The following TEKT3 variants were observed in gnomAD, a reference collection of about 807,000 sequenced individuals.
TEKT3 encodes the protein tektin-3.
Under a neutral mutation model 49.8 loss-of-function variants are expected in TEKT3, and 49 were observed. That is an observed-to-expected ratio of 0.98 (90% CI 0.78 to 1.25). The LOEUF is 1.25. Ranked by LOEUF, TEKT3 falls within the 50% of genes most tolerant of loss-of-function variation. TEKT3 has a pLI of 0.00. For missense variants in TEKT3, 595 were observed against 629.5 expected (o/e 0.95, Z 0.59); for synonymous variants, 225 against 237.2 (o/e 0.95, Z 0.47).
At chr17:15,329,136 A>G (rs895149138) in intron 3 of TEKT3, among the ~76,000 whole-genome samples, 21 of 152,190 alleles carry the variant, frequency 1.4e-4, no homozygotes, top group African/African-American at 4.1e-4. Context: ...CCAGCTCTAA[A>G]TGTCATGCAT....
chr17:15,341,327 A>G (rs889394418), intron 1 of TEKT3, among the ~76,000 whole-genome samples, 191 bp downstream of exon 1: 1 of 152,138 alleles, frequency 6.6e-6, no homozygotes, highest in Non-Finnish European at 1.5e-5. Flanking sequence ...GAGGAAACCA[A>G]CGTCTGGGTG....
Position 15,331,119 on chromosome 17 carries a change from CA to C in TEKT3, c.466del (p.Trp156GlyfsTer12). On this transcript the variant is annotated frameshift_variant, in exon 3 of 9. Coordinates refer to ENST00000395930, the MANE Select transcript of TEKT3 (RefSeq NM_031898.3). LOFTEE classifies it high-confidence loss of function. ...CAACTCATGAATGATTTCAGATTTC[CA>C]AAACCCTATGTCATTGACACGTTCT... is the stretch of plus-strand genomic sequence containing the variant. ...LGERVNDIGFWKSEIIHELDE... is the reference protein window; with the variant it reads ...LGERVNDIGFXKSEIIHELDE... The C allele has an allele frequency of 6.2e-7, 1 of 1,614,148 alleles. No individual in the cohort carries two copies. Among genetic ancestry groups the C allele is most frequent in the Non-Finnish European group, 8.5e-7 (1 of 1,180,018 alleles).
At chr17:15,340,638 G>T (rs1209376366) in intron 1 of TEKT3, 3 of 152,176 alleles carry the variant, frequency 2.0e-5, no homozygotes, top group Non-Finnish European at 4.4e-5. Context: ...AATTCTGTTG[G>T]TTAATAGGGA....
chr17:15,334,958 CTT>C (rs1362109547), intron 2 of TEKT3, among the ~76,000 whole-genome samples: 1 of 152,196 alleles, frequency 6.6e-6, no homozygotes, highest in African/African-American at 2.4e-5. Flanking sequence ...AAAAACCAGA[CTT>C]AGCCTCTTAT....
chr17:15,306,559 A>G (rs1237184568), intron 8 of TEKT3, among the ~76,000 whole-genome samples: 1 of 44,778 alleles, frequency 2.2e-5, no homozygotes, highest in East Asian at 6.3e-4. Context: ...CAGGAATAGG[A>G]AAAAAAAAAA....
intron 2 of TEKT3, among the ~76,000 whole-genome samples, chr17:15,332,163 A>T (rs1911787035): frequency 6.6e-6 from 1 of 152,196 alleles, no homozygotes; most frequent in African/African-American, 2.4e-5. Context: ...ACTGCACTCC[A>T]GCCTGGGCTA....
At chr17:15,321,638 G>A (rs433993) in intron 4 of TEKT3, among the ~76,000 whole-genome samples, 14,445 of 152,192 alleles carry the variant, frequency 0.095, 840 homozygotes, top group East Asian at 0.22. Flanking sequence ...GAAGTGAACC[G>A]TACATTTAGG....
chr17:15,319,193 A>G (rs1911148909), intron 4 of TEKT3, 46 bp from the exon 5 acceptor site: 1 of 1,475,268 alleles, frequency 6.8e-7, no homozygotes, highest in Non-Finnish European at 9.3e-7. Flanking sequence ...ATTATTGAAT[A>G]TAACACTCAA....
intron 8 of TEKT3, among the ~76,000 whole-genome samples, chr17:15,306,574 A>T (rs896870026): frequency 6.6e-6 from 1 of 150,376 alleles, no homozygotes; most frequent in Non-Finnish European, 1.5e-5. Context: ...AAAAAAAAAG[A>T]GTAAAAATCA....
chr17:15,325,572 T>C (rs1911455303), intron 4 of TEKT3, among the ~76,000 whole-genome samples: 3 of 152,160 alleles, frequency 2.0e-5, no homozygotes, highest in East Asian at 1.9e-4. Flanking sequence ...ACCCAGCCAT[T>C]GATATTTTTA....
chr17:15,318,172 G>A lies in TEKT3; in HGVS notation c.734+905C>T, dbSNP rs141835377. Among the ~76,000 whole-genome samples the A allele has an allele frequency of 6.5e-3, 980 of 151,224 alleles. 9 individuals are homozygous for A. Among genetic ancestry groups the A allele is most frequent in the African/African-American group, 0.022 (905 of 41,220 alleles). ...GCCCGGCTAATTTTTTGTATTTTTA[G>A]TAGAGACGGACTTTCATGGTGTTAG... On this transcript the variant is annotated intron_variant, in intron 5 of 8. Transcript: ENST00000395930.
intron 5 of TEKT3, among the ~76,000 whole-genome samples, chr17:15,314,449 C>G (rs1174964305): frequency 6.6e-6 from 1 of 152,202 alleles, no homozygotes; most frequent in African/African-American, 2.4e-5. Context: ...CTACACTTCT[C>G]CTTTCATAGG....
chr17:15,315,780 G>A (rs1910978228), intron 5 of TEKT3, among the ~76,000 whole-genome samples: 1 of 152,152 alleles, frequency 6.6e-6, no homozygotes, highest in Non-Finnish European at 1.5e-5. Context: ...AGACATCTAG[G>A]CTAGAGATAA....
intron 2 of TEKT3, among the ~76,000 whole-genome samples, chr17:15,337,832 C>T (rs1912053246): frequency 6.6e-6 from 1 of 152,088 alleles, no homozygotes; most frequent in East Asian, 1.9e-4. Flanking sequence ...CAGAGTGAGA[C>T]TCCATCTCAA....
chr17:15,322,854 T>C (rs1328747307), intron 4 of TEKT3, among the ~76,000 whole-genome samples: 1 of 152,224 alleles, frequency 6.6e-6, no homozygotes, highest in African/African-American at 2.4e-5. Context: ...TTTTTAATGA[T>C]AGATTCACCA....
chr17:15,308,886 T>C, intron 7 of TEKT3, 68 bp from the exon 8 acceptor site: 1 of 1,570,658 alleles, frequency 6.4e-7, no homozygotes, highest in Non-Finnish European at 8.7e-7. Context: ...CTCCCACCTC[T>C]TGCCTGTCCA....
intron 3 of TEKT3, 28 bp from the exon 4 acceptor site, chr17:15,328,103 C>A: frequency 6.3e-7 from 1 of 1,587,924 alleles, no homozygotes; most frequent in Non-Finnish European, 8.6e-7. Flanking sequence ...ATGGAAAGCA[C>A]TAATAAAAAC....
At chr17:15,338,924 A>G (rs1912116396) in intron 2 of TEKT3, among the ~76,000 whole-genome samples, 1 of 152,090 alleles carries the variant, frequency 6.6e-6, no homozygotes, top group Non-Finnish European at 1.5e-5. Context: ...AATGACTGAA[A>G]ATAGCTATGG....
In TEKT3 at chr17:15,314,121, C is replaced by T. The variant is rs544798302; in HGVS notation, c.844G>A (p.Gly282Ser). 18 of 1,614,182 alleles carry T rather than the reference C, an allele frequency of 1.1e-5. No individual in the cohort carries two copies. The highest frequency in any genetic ancestry group is 8.3e-5 in the Admixed American group (5 of 60,020). ...HHLRNTSDGV[G>S]YFRGVERVDA... is the part of the protein sequence containing the mutation. ...ACCCTCTCCACTCCGCGGAAGTAGC[C>T]GACACCGTCTGATGTGTTGCGCAGG... The change falls in exon 6 of 9, where the codon GGC becomes AGC. Residue 282 changes from glycine to serine, a missense_variant. Gly to Ser is a moderately conservative substitution (Grantham distance 56). Transcript: ENST00000395930.
Sources: gnomAD v4.1 joint callset for allele counts (sites outside exome capture counted in the v4.1 genomes callset) on GRCh38, gnomAD v4.1.1 for gene constraint, MANE v1.5 for transcripts, NCBI Gene and HGNC (gene_info 2026-07-23, HGNC 2026-07-21) for gene names.